The following SENP6 variants were observed in gnomAD, a reference collection of about 807,000 sequenced individuals.
The protein encoded by SENP6 is sentrin-specific protease 6.
SENP6 carries 41 observed loss-of-function variants against 134.5 expected under a neutral mutation model. The observed-to-expected ratio is 0.30, with a 90% CI of 0.24 to 0.40. SENP6 has a LOEUF of 0.40. Among genes scored for constraint, SENP6 ranks in the 10% least tolerant of loss-of-function variants. The probability of loss-of-function intolerance (pLI) is 1.00; values close to 1 mark genes in which losing one functional copy is unlikely to be tolerated. For missense variants in SENP6, 1,248 were observed against 1,312.5 expected, an observed-to-expected ratio of 0.95 and a Z score of 0.76; for synonymous variants, 395 against 429.8, an observed-to-expected ratio of 0.92 and a Z score of 1.00.
intron 16 of SENP6, among the ~76,000 whole-genome samples, chr6:75,685,542 C>T (rs745411134): frequency 5.9e-5 from 9 of 152,116 alleles, no homozygotes; most frequent in South Asian, 2.1e-4. Flanking sequence ...TTTCCCTCTA[C>T]GCACTGCTTT....
rs1773057403 is a variant in SENP6, at chr6:75,675,971, T to C, written c.1538T>C (p.Val513Ala). 1.2e-6 allele frequency: 2 copies of C among 1,612,740 alleles called. No individual in the cohort carries two copies. Among genetic ancestry groups the C allele is most frequent in the Non-Finnish European group, 1.7e-6 (2 of 1,179,358 alleles). ...PVVFLQAIPA[V>A]YQKLSIQLQM... ...GTGTTTCTTCAAGCAATTCCAGCAG[T>C]TTATCAAAAGCTGAGCATCCAACTG... is the stretch of plus-strand genomic sequence containing the variant. The change falls in exon 13 of 24, where the codon GTT (valine) becomes GCT (alanine). Residue 513 changes from valine (V) to alanine (A), a missense_variant. Val to Ala is a moderately conservative substitution (Grantham distance 64, BLOSUM62 0). Coordinates refer to ENST00000447266, the MANE Select transcript of SENP6 (RefSeq NM_015571.4).
intron 11 of SENP6, among the ~76,000 whole-genome samples, chr6:75,673,890 G>A (rs1772876696): frequency 1.3e-5 from 2 of 150,782 alleles, no homozygotes; most frequent in Admixed American, 1.3e-4. Flanking sequence ...GTGTGGTGGC[G>A]TGCACCCGTA....
intron 19 of SENP6, among the ~76,000 whole-genome samples, chr6:75,707,205 C>A (rs1311286073): frequency 6.6e-6 from 1 of 152,022 alleles, no homozygotes; most frequent in East Asian, 1.9e-4. Context: ...CTGGAAGTAA[C>A]CTGATTATAA....
chr6:75,653,241 G>A (rs889216102), intron 7 of SENP6, among the ~76,000 whole-genome samples: 1 of 152,252 alleles, frequency 6.6e-6, no homozygotes, highest in Non-Finnish European at 1.5e-5. Flanking sequence ...ATGTTGGTCA[G>A]TCTGGTCTCG....
chr6:75,692,080 T>C (rs1774316428), intron 16 of SENP6, among the ~76,000 whole-genome samples: 2 of 151,998 alleles, frequency 1.3e-5, no homozygotes. Flanking sequence ...GGTCTCAAAC[T>C]CCCGACCTCA....
intron 1 of SENP6, among the ~76,000 whole-genome samples, chr6:75,603,566 A>G (rs1486313373): frequency 6.6e-6 from 1 of 152,246 alleles, no homozygotes; most frequent in Non-Finnish European, 1.5e-5. Flanking sequence ...ACTTCAAAAA[A>G]TAACTTCTTT....
In SENP6 at chr6:75,629,259, G is replaced by A. The variant is rs558799289; in HGVS notation, c.208-4322G>A. ...AAGTAATTGGAAAAACTGAAATCTT[G>A]TTAATTTCTATATGCTTTTGCCAAT... On this transcript the variant is annotated intron_variant, in intron 3 of 23. Transcript: ENST00000447266. 2.5e-4 allele frequency among the ~76,000 whole-genome samples: 38 copies of A among 152,038 alleles called. 1 individual carries two copies. The highest frequency in any genetic ancestry group is 5.2e-4 in the Admixed American group (8 of 15,282).
chr6:75,670,823 T>C, intron 11 of SENP6, 103 bp downstream of exon 11: 1 of 500,160 alleles, frequency 2.0e-6, no homozygotes, highest in Non-Finnish European at 2.9e-6. Context: ...AAATATTTAA[T>C]AGAATATCAG....
intron 16 of SENP6, among the ~76,000 whole-genome samples, chr6:75,680,081 T>C (rs921822391): frequency 6.6e-6 from 1 of 152,226 alleles, no homozygotes; most frequent in Non-Finnish European, 1.5e-5. Context: ...GAAGCCTATT[T>C]AAGATATTTT....
intron 11 of SENP6, among the ~76,000 whole-genome samples, chr6:75,672,952 C>T (rs1282306347): frequency 6.6e-6 from 1 of 151,814 alleles, no homozygotes; most frequent in Non-Finnish European, 1.5e-5. Flanking sequence ...CTCAGCCTCC[C>T]GAGTAGCTGG....
At chr6:75,674,871 T>A (rs1387502301) in intron 11 of SENP6, among the ~76,000 whole-genome samples, 1 of 152,248 alleles carries the variant, frequency 6.6e-6, no homozygotes, top group East Asian at 1.9e-4. Flanking sequence ...CATTTTATTG[T>A]ATTTGCTTTC....
chr6:75,618,519 T>G (rs1768021275), intron 1 of SENP6, among the ~76,000 whole-genome samples: 1 of 152,194 alleles, frequency 6.6e-6, no homozygotes, highest in South Asian at 2.1e-4. Flanking sequence ...CTAGAATCAG[T>G]CATTTCTTCT....
Position 75,672,345 on chromosome 6 carries a change from A to G in SENP6, c.1392+1625A>G, listed in dbSNP as rs1473721243. On this transcript the variant is annotated intron_variant, in intron 11 of 23. Transcript: ENST00000447266. ...AGCTGTTTATGAAGAACTACATTAA[A>G]ATTTGGATGAATTTTTTCTAATAGG... Among the ~76,000 whole-genome samples, 4 of 152,226 alleles carry G rather than the reference A, an allele frequency of 2.6e-5. No individual in the cohort carries two copies. In the East Asian group the frequency reaches 7.7e-4, roughly 29 times the overall value.
In SENP6 at chr6:75,718,234, A is replaced by C. The variant is rs1344492055; in HGVS notation, c.*2640A>C. 6.6e-6 allele frequency: 1 copy of C among 152,228 alleles called. No homozygotes were observed. Among genetic ancestry groups the C allele is most frequent in the East Asian group, 1.9e-4 (1 of 5,204 alleles). The allele number at this position is 152,228 out of a possible 1,614,324, so 9.4% of individuals were successfully genotyped here. A position where few individuals can be genotyped will look rare whatever the true frequency, so the allele number is the denominator to read the frequency against. On this transcript the variant is annotated 3_prime_UTR_variant, in exon 24 of 24. Coordinates refer to ENST00000447266, the MANE Select transcript of SENP6 (RefSeq NM_015571.4). ...AATCAAAAATTGTACTTAAAATCTC[A>C]GACAATTCACTGAACAGGAATAATA...
chr6:75,670,510 A>AT, intron 10 of SENP6, 43 bp from the exon 11 acceptor site: 1 of 1,460,154 alleles, frequency 6.8e-7, no homozygotes. Flanking sequence ...TTGCAGCCTT[A>AT]TTTTAGTAAA....
intron 8 of SENP6, among the ~76,000 whole-genome samples, chr6:75,661,240 A>G (rs527239677): frequency 1.3e-5 from 2 of 152,364 alleles, no homozygotes; most frequent in East Asian, 3.9e-4. Flanking sequence ...CTCCAGAGGT[A>G]AGTAACTTGA....
intron 6 of SENP6, among the ~76,000 whole-genome samples, chr6:75,647,045 T>A (rs948367142): frequency 3.9e-5 from 6 of 152,180 alleles, no homozygotes; most frequent in African/African-American, 1.4e-4. Flanking sequence ...AGATCACCAG[T>A]GTGAATAGAA....
intron 6 of SENP6, among the ~76,000 whole-genome samples, chr6:75,641,239 A>G (rs1383547279): frequency 6.6e-6 from 1 of 152,184 alleles, no homozygotes; most frequent in Non-Finnish European, 1.5e-5. Flanking sequence ...TTCTGAATGT[A>G]CATTTTTCTA....
chr6:75,624,317 C>T (rs1347839426), intron 3 of SENP6, among the ~76,000 whole-genome samples: 1 of 152,042 alleles, frequency 6.6e-6, no homozygotes, highest in Non-Finnish European at 1.5e-5. Flanking sequence ...TAACCAATTC[C>T]ACCTATTGAT....
Sources: gnomAD v4.1 joint callset for allele counts (sites outside exome capture counted in the v4.1 genomes callset) on GRCh38, gnomAD v4.1.1 for gene constraint, MANE v1.5 for transcripts, NCBI Gene and HGNC (gene_info 2026-07-23, HGNC 2026-07-21) for gene names.